The following TRPM3 variants were observed in gnomAD, a reference collection of about 807,000 sequenced individuals.
The protein encoded by TRPM3 is transient receptor potential cation channel subfamily M member 3, also known as long transient receptor potential channel 3.
TRPM3 carries 77 observed loss-of-function variants against 181.2 expected under a neutral mutation model. The ratio of observed to expected loss-of-function variants is 0.42; its 90% CI spans 0.35 to 0.51. The LOEUF is 0.51. TRPM3 is among the 20% of genes least tolerant of loss of function. The pLI, the probability that TRPM3 is intolerant of heterozygous loss-of-function variation, is 0.01. For synonymous variants in TRPM3, 745 were observed against 796.4 expected (o/e 0.94, Z 1.09); for missense variants, 1,759 against 2,196.7 (o/e 0.80, Z 3.98).
rs962864790 is a variant in TRPM3, at chr9:70,895,363, C to T, written c.178-30852G>A. Reference sequence around the variant, plus strand: ...GCACATCTCTGGAAGATAGCTTACACTTTGCTGAAATCTAAAGGGACACAA... The same window carrying T: ...GCACATCTCTGGAAGATAGCTTACATTTTGCTGAAATCTAAAGGGACACAA... On this transcript the variant is annotated intron_variant, in intron 1 of 25. Transcript: ENST00000677713. Among the ~76,000 whole-genome samples the T allele has an allele frequency of 6.6e-5, 10 of 152,188 alleles. No homozygotes were observed. The East Asian group carries it at 1.2e-3, about 18-fold the overall frequency.
At chr9:70,932,895 G>A (rs561148102) in intron 1 of TRPM3, among the ~76,000 whole-genome samples, 1 of 152,284 alleles carries the variant, frequency 6.6e-6, no homozygotes, top group South Asian at 2.1e-4. Context: ...GACCATAAAA[G>A]GCCATTTTTA....
intron 1 of TRPM3, among the ~76,000 whole-genome samples, chr9:71,378,404 A>T (rs2092715849): frequency 1.3e-5 from 2 of 152,114 alleles, no homozygotes; most frequent in African/African-American, 4.8e-5. Context: ...CTATTAAGCA[A>T]AATGTTCATT....
chr9:70,866,273 G>A (rs77068157), intron 1 of TRPM3, among the ~76,000 whole-genome samples: 229 of 152,020 alleles, frequency 1.5e-3, no homozygotes, highest in African/African-American at 5.3e-3. Context: ...TTCTCTTTTT[G>A]TGTTCAACTT....
intron 1 of TRPM3, among the ~76,000 whole-genome samples, chr9:71,365,377 T>C (rs1187806188): frequency 6.6e-6 from 1 of 152,256 alleles, no homozygotes; most frequent in Non-Finnish European, 1.5e-5. Context: ...AGTCTCATAT[T>C]AAACTGATCT....
intron 1 of TRPM3, among the ~76,000 whole-genome samples, chr9:71,095,960 A>T (rs930461947): frequency 6.6e-6 from 1 of 152,110 alleles, no homozygotes; most frequent in African/African-American, 2.4e-5. Context: ...TTCATCTATG[A>T]TCACATAGGT....
At chr9:71,218,591 T>C (rs1356958284) in intron 1 of TRPM3, among the ~76,000 whole-genome samples, 1 of 152,206 alleles carries the variant, frequency 6.6e-6, no homozygotes, top group African/African-American at 2.4e-5. Context: ...TTTGGCTATC[T>C]GATATGACCA....
chr9:71,272,410 T>A (rs2083873262), intron 1 of TRPM3, among the ~76,000 whole-genome samples: 1 of 152,152 alleles, frequency 6.6e-6, no homozygotes. Context: ...AGTCCAAATA[T>A]GCCAACATGT....
At chr9:71,351,348 C>T (rs1431652377) in intron 1 of TRPM3, among the ~76,000 whole-genome samples, 3 of 152,060 alleles carry the variant, frequency 2.0e-5, no homozygotes, top group Non-Finnish European at 4.4e-5. Flanking sequence ...ACAAATTTAG[C>T]GATTGTTGCA....
chr9:70,761,954 A>G (rs1587997277), intron 7 of TRPM3, among the ~76,000 whole-genome samples: 2 of 152,126 alleles, frequency 1.3e-5, no homozygotes, highest in Non-Finnish European at 2.9e-5. Flanking sequence ...TGATTTACAT[A>G]TTTTAATTTT....
intron 1 of TRPM3, among the ~76,000 whole-genome samples, chr9:71,060,234 G>A (rs1013807901): frequency 9.9e-5 from 15 of 152,008 alleles, no homozygotes; most frequent in African/African-American, 3.6e-4. Context: ...TGTGTTCTGT[G>A]GAAGAAAGTT....
intron 1 of TRPM3, among the ~76,000 whole-genome samples, chr9:71,249,075 C>T (rs1221290254): frequency 2.6e-5 from 4 of 152,278 alleles, no homozygotes; most frequent in East Asian, 1.9e-4. Context: ...AAAAAATTTG[C>T]TCATTTCATT....
intron 8 of TRPM3, among the ~76,000 whole-genome samples, chr9:70,742,248 A>G (rs1397494420): frequency 1.3e-5 from 2 of 152,108 alleles, no homozygotes; most frequent in African/African-American, 4.8e-5. Context: ...AGTTATAATC[A>G]TGATTATTTA....
chr9:70,772,276 T>C (rs906195940), intron 7 of TRPM3, among the ~76,000 whole-genome samples: 1 of 152,060 alleles, frequency 6.6e-6, no homozygotes, highest in Non-Finnish European at 1.5e-5. Flanking sequence ...AGGGAGTCTC[T>C]GGTTGGATAT....
intron 6 of TRPM3, among the ~76,000 whole-genome samples, chr9:70,806,554 GGTGGTGCACGCC>G (rs2090726028): frequency 6.6e-6 from 1 of 152,052 alleles, no homozygotes; most frequent in African/African-American, 2.4e-5. Flanking sequence ...AGCTGGGCTT[GGTGGTGCACGCC>G]TATAGCCCAG....
At chr9:71,331,859 ACGGAGGAGGAGGAAG>A in intron 1 of TRPM3, among the ~76,000 whole-genome samples, 1 of 492 alleles carries the variant, frequency 2.0e-3, no homozygotes. Context: ...AGAAGAGGAG[ACGGAGGAGGAGGAAG>A]AAAGAGGAGG....
chr9:71,317,849 CT>C (rs942732302), intron 1 of TRPM3, among the ~76,000 whole-genome samples: 1 of 152,064 alleles, frequency 6.6e-6, no homozygotes, highest in Non-Finnish European at 1.5e-5. Flanking sequence ...CATTAATCAT[CT>C]TTATCAAATT....
At chr9:71,052,694 T>C (rs570968636) in intron 1 of TRPM3, among the ~76,000 whole-genome samples, 47 of 152,186 alleles carry the variant, frequency 3.1e-4, no homozygotes, top group African/African-American at 1.1e-3. Context: ...CATCTCTAGG[T>C]ATCATTCCAA....
rs549664821 is a variant in TRPM3 at position 70,762,920 on chromosome 9, T to A, written c.1149-1196A>T. 1.1e-4 allele frequency among the ~76,000 whole-genome samples: 17 copies of A among 152,242 alleles called. No homozygotes were observed. The East Asian group carries it at 3.3e-3, about 29-fold the overall frequency. On this transcript the variant is annotated intron_variant, in intron 7 of 25. Coordinates refer to ENST00000677713, the MANE Select transcript of TRPM3 (RefSeq NM_001366145.2). ...CTGCCTCTCTTCATCACTGTGGCTA[T>A]TTGAGCAGGCAGTTGTGGAGTTTCC...
Position 71,058,204 on chromosome 9 carries a change from A to G in TRPM3, c.177+62974T>C, listed in dbSNP as rs530189259. On this transcript the variant is annotated intron_variant, in intron 1 of 25. Transcript: ENST00000677713. ...CAGCCACATGGAAGTAGCTTTGTAA[A>G]TATAATAAAATCTATAGCTTTGGCT... Among the ~76,000 whole-genome samples the G allele has an allele frequency of 3.3e-5, 5 of 152,194 alleles. No homozygotes were observed. In the South Asian group the frequency reaches 1.0e-3, roughly 32 times the overall value.
Sources: gnomAD v4.1 joint callset for allele counts (sites outside exome capture counted in the v4.1 genomes callset) on GRCh38, gnomAD v4.1.1 for gene constraint, MANE v1.5 for transcripts, NCBI Gene and HGNC (gene_info 2026-07-23, HGNC 2026-07-21) for gene names.